Variants in LRBA observed in about 807,000 individuals in gnomAD.
LRBA encodes the protein LPS responsive beige-like anchor protein.
In LRBA, 176 loss-of-function variants were observed where a neutral mutation model predicts 330.0. That is an observed-to-expected ratio of 0.53 (90% CI 0.47 to 0.60). LRBA has a LOEUF of 0.60. LRBA is among the 20% of genes least tolerant of loss of function. The pLI is 0.00. For synonymous variants in LRBA, 1,230 were observed against 1,193.0 expected, an observed-to-expected ratio of 1.03 and a Z score of -0.64; for missense variants, 3,259 against 3,444.8, an observed-to-expected ratio of 0.95 and a Z score of 1.35.
intron 2 of LRBA, among the ~76,000 whole-genome samples, chr4:150,942,790 G>C (rs972317998): frequency 1.3e-5 from 2 of 151,948 alleles, no homozygotes; most frequent in African/African-American, 4.8e-5. Flanking sequence ...TCCATTCATA[G>C]CCAAGACTAC....
chr4:150,922,687 T>C (rs1485399153), intron 4 of LRBA, among the ~76,000 whole-genome samples: 1 of 151,840 alleles, frequency 6.6e-6, no homozygotes, highest in Non-Finnish European at 1.5e-5. Flanking sequence ...AGGTGACGGG[T>C]GCACCAAAAT....
chr4:150,300,040 C>T (rs984702918), intron 53 of LRBA, among the ~76,000 whole-genome samples: 2 of 152,078 alleles, frequency 1.3e-5, no homozygotes, highest in Non-Finnish European at 2.9e-5. Context: ...AACCAGCTTG[C>T]ATGAATGTTT....
intron 2 of LRBA, among the ~76,000 whole-genome samples, chr4:151,003,949 G>GCCAC (rs1743719633): frequency 7.0e-6 from 1 of 143,724 alleles, no homozygotes; most frequent in Non-Finnish European, 1.5e-5. Context: ...GTCTCATGCT[G>GCCAC]CCACCCAGAC....
intron 2 of LRBA, among the ~76,000 whole-genome samples, chr4:150,949,919 G>C (rs796145020): frequency 1.8e-4 from 28 of 152,026 alleles, no homozygotes; most frequent in African/African-American, 6.7e-4. Flanking sequence ...ATACAAAAAA[G>C]ATGAAGCATA....
chr4:150,916,535 G>A lies in LRBA; in HGVS notation c.768-8C>T, dbSNP rs758067769. ...CCTTTGCTGGTTCTGAAACTATAAAGAATAGTTTTCATTTTACCTCTAAAT... is the reference window on the plus strand; with the variant it reads ...CCTTTGCTGGTTCTGAAACTATAAAAAATAGTTTTCATTTTACCTCTAAAT... On this transcript the variant is annotated splice_region_variant and splice_polypyrimidine_tract_variant and intron_variant, in intron 6 of 56. Transcript: ENST00000651943. 1.2e-6 allele frequency: 2 copies of A among 1,610,588 alleles called. No homozygotes were observed.
intron 33 of LRBA, among the ~76,000 whole-genome samples, chr4:150,805,329 GAA>G: frequency 4.4e-5 from 6 of 136,768 alleles, no homozygotes; most frequent in African/African-American, 1.7e-4. Context: ...GAAAGGAAAG[GAA>G]AGGAAAGGAG....
At chr4:150,371,035 C>T (rs1456923445) in intron 47 of LRBA, among the ~76,000 whole-genome samples, 3 of 151,904 alleles carry the variant, frequency 2.0e-5, no homozygotes, top group Non-Finnish European at 4.4e-5. Flanking sequence ...CCACGGCCTA[C>T]AGAGAAAGAA....
intron 2 of LRBA, among the ~76,000 whole-genome samples, chr4:151,010,043 G>A (rs146895628): frequency 9.6e-4 from 146 of 151,706 alleles, no homozygotes; most frequent in African/African-American, 3.2e-3. Context: ...TAAAGTATAC[G>A]GAAGATACAT....
intron 35 of LRBA, among the ~76,000 whole-genome samples, chr4:150,738,943 TAG>T (rs913012485): frequency 8.6e-5 from 13 of 151,996 alleles, no homozygotes; most frequent in African/African-American, 3.1e-4. Flanking sequence ...CAGAAATACA[TAG>T]AAAGTAAACA....
intron 37 of LRBA, among the ~76,000 whole-genome samples, chr4:150,660,547 C>T (rs1348318870): frequency 6.6e-6 from 1 of 150,784 alleles, no homozygotes; most frequent in Non-Finnish European, 1.5e-5. Context: ...TCTGCCCAGC[C>T]ACCACCCGGT....
At chr4:150,325,185 A>G (rs1733075535) in intron 49 of LRBA, among the ~76,000 whole-genome samples, 2 of 152,164 alleles carry the variant, frequency 1.3e-5, no homozygotes, top group African/African-American at 2.4e-5. Context: ...GGCCACATGG[A>G]AAGAGAAGCC....
intron 42 of LRBA, among the ~76,000 whole-genome samples, chr4:150,475,692 C>T (rs112527373): frequency 3.3e-5 from 5 of 150,702 alleles, no homozygotes; most frequent in East Asian, 3.9e-4. Context: ...AGCCCAAGTT[C>T]GAGGCCAGCC....
intron 30 of LRBA, among the ~76,000 whole-genome samples, chr4:150,821,878 C>A (rs1745492639): frequency 6.6e-6 from 1 of 152,168 alleles, no homozygotes; most frequent in Non-Finnish European, 1.5e-5. Context: ...ACCTGGCAGC[C>A]TTTCAGCAAG....
At position 150,995,579 on chromosome 4, in the gene LRBA, A is replaced by G. The variant is rs201986518; in HGVS notation, c.216+18848T>C. On this transcript the variant is annotated intron_variant, in intron 2 of 56. Coordinates refer to ENST00000651943, the MANE Select transcript of LRBA (RefSeq NM_001364905.1). ...AGAAACATTACAATTGCTTATTGAT[A>G]GTCATACAATAATTGGATATTTGAG... is the stretch of plus-strand genomic sequence containing the variant. Among the ~76,000 whole-genome samples, 6 of 152,218 alleles carry G rather than the reference A, an allele frequency of 3.9e-5. No homozygotes were observed. The East Asian group carries it at 1.2e-3, about 29-fold the overall frequency.
chr4:150,940,512 G>A (rs958072547), intron 2 of LRBA, among the ~76,000 whole-genome samples: 3 of 152,180 alleles, frequency 2.0e-5, no homozygotes, highest in Non-Finnish European at 4.4e-5. Flanking sequence ...GATATATGCA[G>A]GTACATTTTA....
chr4:150,680,146 T>C (rs1561507824), intron 37 of LRBA, among the ~76,000 whole-genome samples: 1 of 152,232 alleles, frequency 6.6e-6, no homozygotes, highest in Admixed American at 6.5e-5. Flanking sequence ...TATTCCACTA[T>C]TCTTATCAAG....
chr4:150,690,849 T>C (rs776975383), intron 36 of LRBA, among the ~76,000 whole-genome samples: 2 of 150,998 alleles, frequency 1.3e-5, no homozygotes, highest in Non-Finnish European at 2.9e-5. Flanking sequence ...CTGGACAGCA[T>C]AACAGAAAGC....
chr4:150,533,941 T>C (rs1260404202), intron 40 of LRBA, among the ~76,000 whole-genome samples: 1 of 152,094 alleles, frequency 6.6e-6, no homozygotes, highest in African/African-American at 2.4e-5. Flanking sequence ...GCCATCCCAT[T>C]TGGCTCAGTC....
At position 150,851,032 on chromosome 4, in the gene LRBA, G is replaced by C. The variant is rs1750551477; in HGVS notation, c.3826-130C>G. ...TTAAGACACTATAAGAACCAAATTA[G>C]AGAAAGAAAAATTATCAATGAGTAA... On this transcript the variant is annotated intron_variant, in intron 23 of 56. Coordinates refer to ENST00000651943, the MANE Select transcript of LRBA (RefSeq NM_001364905.1). The C allele has an allele frequency of 5.2e-6, 3 of 576,832 alleles. No homozygotes were observed. The Admixed American group carries it at 1.0e-4, about 20-fold the overall frequency. The allele number at this position is 576,832 out of a possible 1,614,324, so 35.7% of individuals were successfully genotyped here. A position where few individuals can be genotyped will look rare whatever the true frequency, so the allele number is the denominator to read the frequency against.
Sources: gnomAD v4.1 joint callset for allele counts (sites outside exome capture counted in the v4.1 genomes callset) on GRCh38, gnomAD v4.1.1 for gene constraint, MANE v1.5 for transcripts, NCBI Gene and HGNC (gene_info 2026-07-23, HGNC 2026-07-21) for gene names.